The following DOCK1 variants were observed in gnomAD, a reference collection of about 807,000 sequenced individuals.
DOCK1 encodes dedicator of cytokinesis protein 1.
In DOCK1, 138 loss-of-function variants were observed where a neutral mutation model predicts 262.7. That is an observed-to-expected ratio of 0.53 (90% CI 0.46 to 0.61). DOCK1 has a LOEUF of 0.61. DOCK1 is among the 20% of genes least tolerant of loss of function. DOCK1 has a pLI of 0.00. For synonymous variants in DOCK1, 866 were observed against 867.4 expected, an observed-to-expected ratio of 1.00 and a Z score of 0.03; for missense variants, 1,908 against 2,370.7, an observed-to-expected ratio of 0.80 and a Z score of 4.05.
At chr10:127,042,771 G>A in intron 20 of DOCK1, 57 bp downstream of exon 20, 4 of 1,568,410 alleles carry the variant, frequency 2.6e-6, no homozygotes, top group Non-Finnish European at 3.5e-6. Context: ...CCATGCTGCA[G>A]CGTCTGAGGC....
chr10:127,380,923 C>T (rs999264323), intron 36 of DOCK1, among the ~76,000 whole-genome samples: 9 of 152,122 alleles, frequency 5.9e-5, no homozygotes, highest in Admixed American at 4.6e-4. Context: ...ATCATTGGAG[C>T]TCTTTATTCT....
At chr10:127,048,706 G>A (rs1327364876) in intron 21 of DOCK1, among the ~76,000 whole-genome samples, 1 of 152,190 alleles carries the variant, frequency 6.6e-6, no homozygotes. Context: ...CAAGTGCTGA[G>A]CCAGGTTGGA....
rs540708875 is a variant in DOCK1 at position 127,032,264 on chromosome 10, G to C, written c.1856G>C (p.Ser619Thr). The change falls in exon 18 of 52, where the codon AGC (serine) becomes ACC (threonine). Residue 619 changes from serine (S) to threonine (T), a missense_variant. Ser to Thr is a moderately conservative substitution (Grantham distance 58). Around this residue, in one of 9 missense-constraint regions of DOCK1, gnomAD observed 294 missense variants for 439.9 expected, o/e 0.67. Coordinates refer to ENST00000623213, the MANE Select transcript of DOCK1 (RefSeq NM_001290223.2). ...CAGAGCCTTGGGAGCTGCACCATTA[G>C]CAAGGACTCCTTCCAGATCTCCACG... is the stretch of plus-strand genomic sequence containing the variant. Reference protein sequence around the residue: ...SMQSLGSCTISKDSFQISTLV... With the variant: ...SMQSLGSCTITKDSFQISTLV... 2 of 1,595,922 alleles carry C rather than the reference G, an allele frequency of 1.3e-6. No individual in the cohort carries two copies. Among genetic ancestry groups the C allele is most frequent in the African/African-American group, 1.3e-5 (1 of 74,286 alleles).
At chr10:127,361,531 G>T (rs1333810099) in intron 32 of DOCK1, among the ~76,000 whole-genome samples, 10 of 152,226 alleles carry the variant, frequency 6.6e-5, no homozygotes, top group Non-Finnish European at 8.8e-5. Flanking sequence ...TTTGATTGGA[G>T]TCGTTTGGCA....
At chr10:127,381,164 TA>T in intron 36 of DOCK1, 113 bp from the exon 37 acceptor site, 2 of 827,994 alleles carry the variant, frequency 2.4e-6, no homozygotes, top group Non-Finnish European at 3.5e-6. Flanking sequence ...ATGAACATTG[TA>T]AAAAGGAAGT....
chr10:127,168,584 C>T (rs1434233505), intron 27 of DOCK1, among the ~76,000 whole-genome samples: 1 of 152,216 alleles, frequency 6.6e-6, no homozygotes, highest in Admixed American at 6.5e-5. Flanking sequence ...CACCTCCTCT[C>T]CTCAAAATTG....
At chr10:127,084,135 C>G (rs1279011558) in intron 23 of DOCK1, among the ~76,000 whole-genome samples, 1 of 152,052 alleles carries the variant, frequency 6.6e-6, no homozygotes, top group East Asian at 1.9e-4. Context: ...TTTATAATTG[C>G]AGGTGTCTAA....
At chr10:127,376,585 T>C (rs2065506438) in intron 35 of DOCK1, among the ~76,000 whole-genome samples, 1 of 152,236 alleles carries the variant, frequency 6.6e-6, no homozygotes, top group African/African-American at 2.4e-5. Flanking sequence ...TTTGTTGTCA[T>C]GGTGCCAATG....
chr10:127,038,821 GCTC>G (rs2043830066), intron 19 of DOCK1, among the ~76,000 whole-genome samples: 1 of 152,174 alleles, frequency 6.6e-6, no homozygotes, highest in Admixed American at 6.5e-5. Flanking sequence ...GCAGTATTAG[GCTC>G]TTCTCTGCTC....
chr10:127,108,456 G>A (rs1001755859), intron 24 of DOCK1, among the ~76,000 whole-genome samples: 12 of 152,094 alleles, frequency 7.9e-5, no homozygotes, highest in African/African-American at 2.7e-4. Context: ...GCATGATGGC[G>A]GGTGCCTGTA....
At chr10:126,943,848 G>C (rs1591386521) in intron 1 of DOCK1, among the ~76,000 whole-genome samples, 2 of 152,160 alleles carry the variant, frequency 1.3e-5, no homozygotes, top group African/African-American at 2.4e-5. Context: ...AGAGTGCACA[G>C]ACCACTGAAG....
rs115951059 is a variant in DOCK1, at chr10:126,908,687, A to G, written c.46+3124A>G. 8.8e-3 allele frequency among the ~76,000 whole-genome samples: 1,335 copies of G among 152,168 alleles called. 32 individuals are homozygous for G. The highest frequency in any genetic ancestry group is 0.03 in the African/African-American group (1,259 of 41,504). On this transcript the variant is annotated intron_variant, in intron 1 of 51. Coordinates refer to ENST00000623213, the MANE Select transcript of DOCK1 (RefSeq NM_001290223.2). ...CATTCCACTGGGGGCTGCCTGTGAA[A>G]TTTACCAGCCCGCGTTTCCCCCTTG...
intron 27 of DOCK1, among the ~76,000 whole-genome samples, chr10:127,135,055 A>G (rs1341881564): frequency 6.6e-6 from 1 of 152,240 alleles, no homozygotes; most frequent in Non-Finnish European, 1.5e-5. Context: ...CCCCTGGGCC[A>G]TGGAGGCAAG....
rs565562380 is a variant in DOCK1, at chr10:126,995,663, G to A, written c.474-1085G>A. Among the ~76,000 whole-genome samples the A allele has an allele frequency of 1.0e-5, 1 of 95,352 alleles. No individual in the cohort carries two copies. Among genetic ancestry groups the A allele is most frequent in the African/African-American group, 2.7e-5 (1 of 36,480 alleles). 62.6% of individuals were successfully genotyped at this position (95,352 alleles called of 152,430 possible). On this transcript the variant is annotated intron_variant, in intron 6 of 51. Coordinates refer to ENST00000623213, the MANE Select transcript of DOCK1 (RefSeq NM_001290223.2). The surrounding 1 kb of genome is among the most constrained non-coding windows in gnomAD (Gnocchi z 5.8). ...GGGAGAGGGAGACCGTGGAGAGGGA[G>A]AGGGAGACCGTGGAGAGGGAGAGGG... is the stretch of plus-strand genomic sequence containing the variant.
chr10:127,382,213 A>C (rs2065865403), intron 37 of DOCK1, among the ~76,000 whole-genome samples: 1 of 152,244 alleles, frequency 6.6e-6, no homozygotes, highest in Non-Finnish European at 1.5e-5. Flanking sequence ...CAAAAACCAA[A>C]AATGTAATGA....
At chr10:127,119,577 G>C (rs1317494721) in intron 25 of DOCK1, among the ~76,000 whole-genome samples, 2 of 152,158 alleles carry the variant, frequency 1.3e-5, no homozygotes, top group African/African-American at 2.4e-5. Flanking sequence ...TTCTTAGATG[G>C]TTGGAAAATA....
At chr10:127,258,283 A>ATATACC (rs2059896672) in intron 29 of DOCK1, among the ~76,000 whole-genome samples, 1 of 152,092 alleles carries the variant, frequency 6.6e-6, no homozygotes, top group African/African-American at 2.4e-5. Context: ...TTATACCCAC[A>ATATACC]TATACCTCTC....
intron 27 of DOCK1, among the ~76,000 whole-genome samples, chr10:127,218,050 T>C (rs1207625515): frequency 6.6e-6 from 1 of 152,182 alleles, no homozygotes; most frequent in Non-Finnish European, 1.5e-5. Context: ...TATTCTGCTG[T>C]TCTAAATATC....
intron 29 of DOCK1, among the ~76,000 whole-genome samples, chr10:127,337,346 C>A (rs889177069): frequency 6.6e-6 from 1 of 152,278 alleles, no homozygotes; most frequent in East Asian, 1.9e-4. Flanking sequence ...ACAGGACAGA[C>A]CCCATCCCAA....
Sources: allele counts gnomAD v4.1 joint callset (sites outside exome capture counted in the v4.1 genomes callset), GRCh38; gene constraint gnomAD v4.1.1; regional missense constraint gnomAD v4.1.1; non-coding constraint Gnocchi (gnomAD v3.1); transcripts MANE v1.5; gene names NCBI Gene and HGNC (gene_info 2026-07-23, HGNC 2026-07-21).